VAV2: variants seen among roughly 807,000 people sequenced by gnomAD.
VAV2 encodes guanine nucleotide exchange factor VAV2.
In VAV2, 67 loss-of-function variants were observed where a neutral mutation model predicts 132.5. The ratio of observed to expected loss-of-function variants is 0.51; its 90% confidence interval spans 0.42 to 0.62. The LOEUF is 0.62. Among genes scored for constraint, VAV2 ranks in the 20% least tolerant of loss-of-function variants. The pLI is 0.00. For missense variants in VAV2, 938 were observed against 1,153.6 expected (o/e 0.81, Z 2.71); for synonymous variants, 492 against 443.5 (o/e 1.11, Z -1.37).
At chr9:133,894,448 A>G (rs1048363994) in intron 2 of VAV2, among the ~76,000 whole-genome samples, 3 of 152,226 alleles carry the variant, frequency 2.0e-5, no homozygotes, top group Admixed American at 6.5e-5. Flanking sequence ...ACAGGGCCCA[A>G]TAAAGGTGGA....
rs762302158 is a variant in VAV2, at chr9:133,768,606, G to A, written c.2435-10C>T. Reference sequence around the variant, plus strand: ...ACGCGGGGCGTGAACACTGTTGAGGGAGATGGGCAGCATCACACAGCTGCA... The same window carrying A: ...ACGCGGGGCGTGAACACTGTTGAGGAAGATGGGCAGCATCACACAGCTGCA... On this transcript the variant is annotated splice_polypyrimidine_tract_variant and intron_variant, in intron 28 of 29. Coordinates refer to ENST00000371850, the MANE Select transcript of VAV2 (RefSeq NM_001134398.2). This position sits in a 1 kb window ranked among gnomAD's most constrained non-coding sequence, Gnocchi z 5.3. 6.2e-7 allele frequency: 1 copy of A among 1,612,344 alleles called. No individual in the cohort carries two copies.
chr9:133,958,953 C>T (rs1841880025), intron 1 of VAV2, among the ~76,000 whole-genome samples: 1 of 152,226 alleles, frequency 6.6e-6, no homozygotes, highest in Non-Finnish European at 1.5e-5. Context: ...CCCTGCCCCG[C>T]CCCAGGTGTT....
chr9:133,803,012 G>T (rs1294400534), intron 9 of VAV2, among the ~76,000 whole-genome samples: 1 of 152,204 alleles, frequency 6.6e-6, no homozygotes, highest in Non-Finnish European at 1.5e-5. Context: ...ACCCCTACTG[G>T]GGTTTTTGAG....
chr9:133,829,873 C>T (rs1043251880), intron 4 of VAV2, among the ~76,000 whole-genome samples: 2 of 152,140 alleles, frequency 1.3e-5, no homozygotes, highest in Non-Finnish European at 2.9e-5. Flanking sequence ...ACCACACTGC[C>T]CTGAAACTGT....
chr9:133,909,636 C>T (rs936552096), intron 2 of VAV2, among the ~76,000 whole-genome samples: 2 of 135,508 alleles, frequency 1.5e-5, no homozygotes, highest in East Asian at 2.4e-4. Context: ...ACAACATGAA[C>T]GCAGAGCTTG....
intron 27 of VAV2, 106 bp downstream of exon 27, chr9:133,770,272 G>A: frequency 6.5e-7 from 1 of 1,530,730 alleles, no homozygotes. Context: ...TCCCCAGGGT[G>A]GGACTCCTGG....
rs1012554675 is a variant in VAV2, at chr9:133,794,703, G to GT, written c.1101+964dup. Among the ~76,000 whole-genome samples the GT allele has an allele frequency of 5.4e-4, 83 of 152,308 alleles. 1 individual carries two copies. The highest frequency in any genetic ancestry group is 3.4e-3 in the Middle Eastern group (1 of 294). On this transcript the variant is annotated intron_variant, in intron 12 of 29. Coordinates refer to ENST00000371850, the MANE Select transcript of VAV2 (RefSeq NM_001134398.2). The surrounding 1 kb of genome is among the most constrained non-coding windows in gnomAD (Gnocchi z 4.6). ...GTCCTGTGCTCCCGACGAGGGAGAT[G>GT]TGGGGGGGGTCGTCATCCCTCCACC...
rs1253610195 is a variant in VAV2, at chr9:133,762,976, A to G, written c.*1086T>C. 1 of 152,714 alleles carries G rather than the reference A, an allele frequency of 6.5e-6. No homozygotes were observed. The highest frequency in any genetic ancestry group is 1.5e-5 in the Non-Finnish European group (1 of 68,128). 9.5% of individuals were successfully genotyped at this position (152,714 alleles called of 1,614,324 possible). ...GTCTGGCTAACCCAGCCAGAAGTCG[A>G]AGGCCAGGAGTTGTGGCTGGGGGAG... is the stretch of plus-strand genomic sequence containing the variant. On this transcript the variant is annotated 3_prime_UTR_variant, in exon 30 of 30. Transcript: ENST00000371850. This position sits in a 1 kb window ranked among gnomAD's most constrained non-coding sequence, Gnocchi z 5.0.
rs149154783 is a variant in VAV2, at chr9:133,881,354, C to T, written c.322-19922G>A. On this transcript the variant is annotated intron_variant, in intron 2 of 29. Coordinates refer to ENST00000371850, the MANE Select transcript of VAV2 (RefSeq NM_001134398.2). ...CCCCACAAGGTTCCTCCCAGTGAGACGGGGCTTGTGAACAGGACTGAGAAG... is the reference window on the plus strand; with the variant it reads ...CCCCACAAGGTTCCTCCCAGTGAGATGGGGCTTGTGAACAGGACTGAGAAG... Among the ~76,000 whole-genome samples, 1,264 of 152,350 alleles carry T rather than the reference C, an allele frequency of 8.3e-3. 21 individuals are homozygous for T. Among genetic ancestry groups the T allele is most frequent in the African/African-American group, 0.028 (1,182 of 41,582 alleles).
At chr9:133,929,620 G>T (rs1840606052) in intron 2 of VAV2, among the ~76,000 whole-genome samples, 1 of 152,140 alleles carries the variant, frequency 6.6e-6, no homozygotes, top group African/African-American at 2.4e-5. Context: ...GGGCCCCTCT[G>T]CCTGCACGCA....
chr9:133,770,329 G>A, intron 27 of VAV2, 49 bp downstream of exon 27: 2 of 1,610,808 alleles, frequency 1.2e-6, no homozygotes, highest in East Asian at 2.2e-5. Context: ...GTGGGCCAGG[G>A]CAGACCCCTC....
chr9:133,860,539 C>T (rs1222782190), intron 3 of VAV2, among the ~76,000 whole-genome samples: 1 of 152,022 alleles, frequency 6.6e-6, no homozygotes, highest in East Asian at 1.9e-4. Flanking sequence ...ACACAGCATC[C>T]CCCACGGATC....
intron 2 of VAV2, among the ~76,000 whole-genome samples, chr9:133,903,830 G>A (rs1345079588): frequency 6.6e-6 from 1 of 152,194 alleles, no homozygotes; most frequent in Non-Finnish European, 1.5e-5. Context: ...GACCCGGAGA[G>A]GGCTCGGGGA....
intron 2 of VAV2, among the ~76,000 whole-genome samples, chr9:133,875,348 C>T (rs931647256): frequency 2.0e-5 from 3 of 152,216 alleles, no homozygotes; most frequent in African/African-American, 7.2e-5. Flanking sequence ...CGCCACAGCC[C>T]CGGGGAGCTA....
At chr9:133,771,188 C>CAAGTA (rs1183869059) in intron 26 of VAV2, among the ~76,000 whole-genome samples, 1 of 151,978 alleles carries the variant, frequency 6.6e-6, no homozygotes, top group Admixed American at 6.5e-5. Flanking sequence ...CTCAGCCTCC[C>CAAGTA]AAGTAGGGGG....
intron 16 of VAV2, among the ~76,000 whole-genome samples, chr9:133,786,827 G>T (rs1318782640): frequency 1.8e-4 from 28 of 152,350 alleles, no homozygotes; most frequent in Admixed American, 1.8e-3. Context: ...AGAAAAGATG[G>T]CGGGAAAGAG....
intron 24 of VAV2, among the ~76,000 whole-genome samples, chr9:133,775,591 C>A (rs1268700919): frequency 6.6e-6 from 1 of 152,192 alleles, no homozygotes; most frequent in Admixed American, 6.5e-5. Flanking sequence ...AAGGCAAGCT[C>A]TCTCCCAAAA....
At chr9:133,949,865 C>G (rs958613382) in intron 1 of VAV2, among the ~76,000 whole-genome samples, 1 of 152,244 alleles carries the variant, frequency 6.6e-6, no homozygotes, top group Non-Finnish European at 1.5e-5. Flanking sequence ...CACCTGCCCC[C>G]GACCCGGGCG....
At chr9:133,945,008 C>T (rs554266584) in intron 1 of VAV2, among the ~76,000 whole-genome samples, 63 of 152,324 alleles carry the variant, frequency 4.1e-4, no homozygotes, top group African/African-American at 1.3e-3. Flanking sequence ...GCCAGGTTTT[C>T]CAGAAGGCCA....
Sources: allele counts gnomAD v4.1 joint callset (sites outside exome capture counted in the v4.1 genomes callset), GRCh38; gene constraint gnomAD v4.1.1; non-coding constraint Gnocchi (gnomAD v3.1); transcripts MANE v1.5; gene names NCBI Gene and HGNC (gene_info 2026-07-23, HGNC 2026-07-21).